Variants in CCDC192 observed in about 807,000 individuals in gnomAD.
CCDC192 encodes coiled-coil domain containing 192.
Position 127,884,857 on chromosome 5 carries a change from A to G in CCDC192, c.535+9196A>G, listed in dbSNP as rs374177421. ...TCTTTTTTCTCCCTATCATTTTTAC[A>G]CTACTTATTTAGGTCCTTCCTTTGC... On this transcript the variant is annotated intron_variant, in intron 6 of 6. Transcript: ENST00000514853. Among the ~76,000 whole-genome samples, 56 of 152,222 alleles carry G rather than the reference A, an allele frequency of 3.7e-4. 1 individual carries two copies. In the South Asian group the frequency reaches 0.011, roughly 30 times the overall value.
chr5:127,755,423 T>G (rs954548692), intron 3 of CCDC192, among the ~76,000 whole-genome samples: 7 of 152,038 alleles, frequency 4.6e-5, no homozygotes, highest in Non-Finnish European at 1.0e-4. Flanking sequence ...CCAAAAAAGG[T>G]GCATCCCTTA....
At chr5:127,753,584 G>T (rs1169152765) in intron 2 of CCDC192, among the ~76,000 whole-genome samples, 1 of 151,812 alleles carries the variant, frequency 6.6e-6, no homozygotes. Context: ...TAATCTCCAG[G>T]GGCTGAGACA....
intron 6 of CCDC192, among the ~76,000 whole-genome samples, chr5:127,905,184 A>G (rs139939302): frequency 1.8e-3 from 271 of 152,326 alleles, no homozygotes; most frequent in East Asian, 7.7e-3. Flanking sequence ...AGACTAACTT[A>G]GTCTATCCTG....
At chr5:127,866,407 T>C (rs922833720) in intron 5 of CCDC192, among the ~76,000 whole-genome samples, 1 of 150,464 alleles carries the variant, frequency 6.6e-6, no homozygotes, top group Non-Finnish European at 1.5e-5. Context: ...TTTTACATTT[T>C]CTTAGGAAAA....
intron 6 of CCDC192, among the ~76,000 whole-genome samples, chr5:127,887,464 C>A (rs1455383921): frequency 2.6e-5 from 4 of 151,970 alleles, no homozygotes; most frequent in Admixed American, 6.6e-5. Flanking sequence ...CACAATACAT[C>A]AACCTATTTG....
chr5:127,910,624 C>T (rs894254980), intron 6 of CCDC192, among the ~76,000 whole-genome samples: 1 of 152,132 alleles, frequency 6.6e-6, no homozygotes, highest in Non-Finnish European at 1.5e-5. Context: ...TAGCACAATT[C>T]CCCAAAAAGT....
chr5:127,891,712 C>T (rs1752738360), intron 6 of CCDC192, among the ~76,000 whole-genome samples: 1 of 152,224 alleles, frequency 6.6e-6, no homozygotes, highest in Non-Finnish European at 1.5e-5. Flanking sequence ...GTCCCACTCT[C>T]ACCTTGGAAT....
At position 127,911,448 on chromosome 5, in the gene CCDC192, C is replaced by A. The variant is rs745759977; in HGVS notation, c.536-29734C>A. 1.0e-3 allele frequency among the ~76,000 whole-genome samples: 152 copies of A among 152,134 alleles called. 3 individuals carry two copies. The highest frequency in any genetic ancestry group is 4.6e-4 in the Admixed American group (7 of 15,272). On this transcript the variant is annotated intron_variant, in intron 6 of 6. Coordinates refer to ENST00000514853, the MANE Select transcript of CCDC192 (RefSeq NM_001317938.2). ...ACCAGTTACTTGTAATACTAATGGA[C>A]AAATCCTGCATCCTTTTCTTTGAAG... is the stretch of plus-strand genomic sequence containing the variant.
At chr5:127,815,190 C>T (rs1748949413) in intron 5 of CCDC192, among the ~76,000 whole-genome samples, 2 of 152,110 alleles carry the variant, frequency 1.3e-5, no homozygotes, top group Admixed American at 1.3e-4. Context: ...ACTGTGTGAC[C>T]TGGGAGCTAT....
intron 6 of CCDC192, among the ~76,000 whole-genome samples, chr5:127,924,329 C>T (rs186350668): frequency 6.6e-6 from 1 of 152,246 alleles, no homozygotes; most frequent in East Asian, 1.9e-4. Context: ...GAATGTGTGC[C>T]CTAAGCCTTT....
rs543520953 is a variant in CCDC192 at position 127,930,071 on chromosome 5, C to T, written c.536-11111C>T. 1.4e-4 allele frequency among the ~76,000 whole-genome samples: 21 copies of T among 152,208 alleles called. No individual in the cohort carries two copies. The South Asian group carries it at 2.1e-3, about 15-fold the overall frequency. ...ATACAAAGTTAGCCAGGTGTGGTGG[C>T]GCATGCCCATAATCCCAGCTACTCT... On this transcript the variant is annotated intron_variant, in intron 6 of 6. Transcript: ENST00000514853.
chr5:127,918,457 C>T (rs571383460), intron 6 of CCDC192, among the ~76,000 whole-genome samples: 71 of 152,182 alleles, frequency 4.7e-4, no homozygotes, highest in African/African-American at 1.7e-3. Context: ...AGAGTAGGGA[C>T]TGGTTTTTAG....
intron 6 of CCDC192, among the ~76,000 whole-genome samples, chr5:127,877,151 A>G (rs975015624): frequency 1.3e-5 from 2 of 152,040 alleles, no homozygotes; most frequent in African/African-American, 2.4e-5. Context: ...AAAAATATAT[A>G]TATATAATCG....
chr5:127,859,489 C>T (rs1268944021), intron 5 of CCDC192, among the ~76,000 whole-genome samples: 2 of 152,162 alleles, frequency 1.3e-5, no homozygotes, highest in Non-Finnish European at 2.9e-5. Flanking sequence ...TTAAGTTCCA[C>T]CTCAGCTCTG....
At chr5:127,774,615 T>A (rs1374411103) in intron 3 of CCDC192, among the ~76,000 whole-genome samples, 1 of 152,218 alleles carries the variant, frequency 6.6e-6, no homozygotes, top group African/African-American at 2.4e-5. Flanking sequence ...GGTCTATGTG[T>A]CAGTCCTTAT....
Position 127,713,580 on chromosome 5 carries a change from A to G in CCDC192, c.114+5820A>G, listed in dbSNP as rs576454096. ...TATTTTGATGAGATCTAATTTATCAATTTGTATTTTCATGGACCACGCTTT... is the reference window on the plus strand; with the variant it reads ...TATTTTGATGAGATCTAATTTATCAGTTTGTATTTTCATGGACCACGCTTT... On this transcript the variant is annotated intron_variant, in intron 2 of 6. Coordinates refer to ENST00000514853, the MANE Select transcript of CCDC192 (RefSeq NM_001317938.2). Among the ~76,000 whole-genome samples, 12 of 152,260 alleles carry G rather than the reference A, an allele frequency of 7.9e-5. No homozygotes were observed. The East Asian group carries it at 9.6e-4, about 12-fold the overall frequency.
At chr5:127,847,785 T>C (rs1750623012) in intron 5 of CCDC192, among the ~76,000 whole-genome samples, 1 of 151,144 alleles carries the variant, frequency 6.6e-6, no homozygotes, top group African/African-American at 2.4e-5. Flanking sequence ...TTTGCACCAC[T>C]GCACTCCAGC....
intron 2 of CCDC192, among the ~76,000 whole-genome samples, chr5:127,721,661 A>T (rs1014471214): frequency 6.6e-6 from 1 of 152,174 alleles, no homozygotes. Context: ...GCATTAGTCC[A>T]TTCTCAAATT....
At chr5:127,923,849 C>T (rs1339792467) in intron 6 of CCDC192, among the ~76,000 whole-genome samples, 1 of 152,184 alleles carries the variant, frequency 6.6e-6, no homozygotes, top group Non-Finnish European at 1.5e-5. Context: ...CTTTCTCTTC[C>T]AACTTTCAGA....
Sources: allele counts gnomAD v4.1 joint callset (sites outside exome capture counted in the v4.1 genomes callset), GRCh38; gene constraint gnomAD v4.1.1; transcripts MANE v1.5; gene names NCBI Gene and HGNC (gene_info 2026-07-23, HGNC 2026-07-21).